The following SLC4A11 variants were observed in gnomAD, a reference collection of about 807,000 sequenced individuals.
SLC4A11 encodes the protein solute carrier family 4 member 11.
SLC4A11 carries 74 observed loss-of-function variants against 95.0 expected under a neutral mutation model. That is an observed-to-expected ratio of 0.78 (90% CI 0.65 to 0.95). The LOEUF (loss-of-function observed/expected upper bound fraction) is 0.95. SLC4A11 is among the 40% of genes least tolerant of loss of function. The probability of loss-of-function intolerance (pLI) is 0.00; values close to 1 mark genes in which losing one functional copy is unlikely to be tolerated. For synonymous variants in SLC4A11, 548 were observed against 519.0 expected, an observed-to-expected ratio of 1.06 and a Z score of -0.76; for missense variants, 1,081 against 1,192.4, an observed-to-expected ratio of 0.91 and a Z score of 1.38.
At chr20:3,230,073 C>G in intron 13 of SLC4A11, 114 bp downstream of exon 13, 2 of 1,315,498 alleles carry the variant, frequency 1.5e-6, no homozygotes, top group South Asian at 2.4e-5. Context: ...CACCCTTGAT[C>G]ACGGGCACAC....
rs2067903943 is a variant in SLC4A11 at position 3,234,555 on chromosome 20, A to G, written c.291+13T>C. 6.2e-7 allele frequency: 1 copy of G among 1,613,676 alleles called. No homozygotes were observed. The highest frequency in any genetic ancestry group is 8.5e-7 in the Non-Finnish European group (1 of 1,180,018). On this transcript the variant is annotated intron_variant, in intron 4 of 19. Coordinates refer to ENST00000642402, the MANE Select transcript of SLC4A11 (RefSeq NM_001174089.2). This position sits in a 1 kb window ranked among gnomAD's most constrained non-coding sequence, Gnocchi z 5.8. The stretch of plus-strand genomic sequence containing the variant: ...TAGAGGCCCCAGGACCACCTGCAGG[A>G]CAGGCCATTCACCTTTCGGGAGGTG...
intron 2 of SLC4A11, among the ~76,000 whole-genome samples, chr20:3,235,291 TCTCTCTCTCTCTCTCTCTCACA>T (rs2067935650): frequency 9.4e-6 from 1 of 106,300 alleles, no homozygotes; most frequent in Non-Finnish European, 2.0e-5. Context: ...TCTCTCTCTC[TCTCTCTCTCTCTCTCTCTCACA>T]CACACACACA....
chr20:3,237,023 AAAC>A lies in SLC4A11; in HGVS notation c.88+518_88+520del, dbSNP rs376761373. On this transcript the variant is annotated intron_variant, in intron 2 of 19. Transcript: ENST00000642402. ...GCCCTGTGTCTACGCACTGCTCTAC[AAAC>A]AACCCTCGAATGGTCAGGTCACTCA... Among the ~76,000 whole-genome samples the A allele has an allele frequency of 8.2e-4, 125 of 152,192 alleles. 3 individuals are homozygous for A. The East Asian group carries it at 0.022, about 27-fold the overall frequency.
intron 7 of SLC4A11, 119 bp downstream of exon 7, chr20:3,233,395 C>T (rs1336473686): frequency 1.4e-5 from 20 of 1,476,188 alleles, no homozygotes; most frequent in African/African-American, 4.1e-5. Context: ...AGGGCCGAGG[C>T]GAAGGGGAGG....
In SLC4A11 at chr20:3,231,651, CTGTT is replaced by C. The variant is rs1259066926; in HGVS notation, c.730-107_730-104del. The C allele has an allele frequency of 4.2e-5, 47 of 1,126,154 alleles. No homozygotes were observed. The highest frequency in any genetic ancestry group is 2.3e-4 in the Middle Eastern group (1 of 4,354). 69.8% of individuals were successfully genotyped at this position (1,126,154 alleles called of 1,614,324 possible). A position where few individuals can be genotyped will look rare whatever the true frequency, so the allele number is the denominator to read the frequency against. On this transcript the variant is annotated intron_variant, in intron 7 of 19. Coordinates refer to ENST00000642402, the MANE Select transcript of SLC4A11 (RefSeq NM_001174089.2). The surrounding 1 kb of genome is among the most constrained non-coding windows in gnomAD (Gnocchi z 5.2). ...CATGAACTGGCAGCAGGTTTTTTGTCTGTTTGTTTTTTGTGTTTTTTTGAGACAG... is the reference window on the plus strand; with the variant it reads ...CATGAACTGGCAGCAGGTTTTTTGTCTGTTTTTTGTGTTTTTTTGAGACAG...
At chr20:3,238,729 G>A (rs965133484) in intron 1 of SLC4A11, 2 of 1,061,012 alleles carry the variant, frequency 1.9e-6, no homozygotes, top group Non-Finnish European at 2.3e-6. Context: ...ACCTTCCGAG[G>A]CGGCGGCCCG....
At chr20:3,238,246 G>A (rs2068051766) in intron 1 of SLC4A11, 1 of 1,345,802 alleles carries the variant, frequency 7.4e-7, no homozygotes, top group Non-Finnish European at 9.5e-7. Context: ...GGGAGGCTGC[G>A]CCCTCCCTGG....
chr20:3,237,419 C>T (rs966739851), intron 2 of SLC4A11, 125 bp downstream of exon 2: 1 of 1,000,538 alleles, frequency 1.0e-6, no homozygotes, highest in Non-Finnish European at 1.6e-6. Flanking sequence ...CAAAAGCATT[C>T]CAGCACTAGA....
In SLC4A11 at chr20:3,228,584, G is replaced by A. The variant is rs1600558914; in HGVS notation, c.2316C>T (p.Phe772=). ...CGAGGGAGGTGAGCGCGATGTAGAG[G>A]AAGAGGCCATAGAGCACGGGCTTGG... is the stretch of plus-strand genomic sequence containing the variant. ...WIPKPVLYGL[F]LYIALTSLDG... Residue 772 remains phenylalanine (F), a synonymous_variant, in exon 18 of 20, where the codon TTC becomes TTT. Coordinates refer to ENST00000642402, the MANE Select transcript of SLC4A11 (RefSeq NM_001174089.2). 1 of 1,613,320 alleles carries A rather than the reference G, an allele frequency of 6.2e-7. No homozygotes were observed. The highest frequency in any genetic ancestry group is 8.5e-7 in the Non-Finnish European group (1 of 1,179,982).
At chr20:3,238,463 G>A in intron 1 of SLC4A11, 7 of 1,023,044 alleles carry the variant, frequency 6.8e-6, no homozygotes, top group Non-Finnish European at 8.2e-6. Context: ...CCAGGCCGTG[G>A]GCGACGAGGG....
intron 13 of SLC4A11, 39 bp from the exon 14 acceptor site, chr20:3,229,815 G>C (rs144410437): frequency 1.9e-6 from 3 of 1,613,280 alleles, no homozygotes; most frequent in East Asian, 2.2e-5. Context: ...CCTCTCCAGC[G>C]TGTGGCAGGG....
intron 10 of SLC4A11, 33 bp downstream of exon 10, chr20:3,230,900 A>ACCCCCACCCCCCCCCCCCCCCCCCCC: frequency 6.2e-7 from 1 of 1,610,762 alleles, no homozygotes; most frequent in Non-Finnish European, 8.5e-7. Flanking sequence ...AGCCCAGCAT[A>ACCCCCACCCCCCCCCCCCCCCCCCCC]CCCCCACCCA....
chr20:3,228,002 C>T, intron 19 of SLC4A11, 146 bp from the exon 20 acceptor site: 2 of 799,742 alleles, frequency 2.5e-6, no homozygotes, highest in Non-Finnish European at 4.0e-6. Context: ...CTCTCCACTC[C>T]TAGACTGGAG....
intron 2 of SLC4A11, among the ~76,000 whole-genome samples, chr20:3,236,428 T>C (rs1486756878): frequency 6.6e-6 from 1 of 152,078 alleles, no homozygotes; most frequent in East Asian, 1.9e-4. Flanking sequence ...CTACTAAAAA[T>C]ACAAAAAGAA....
rs35732230 is a variant in SLC4A11, at chr20:3,237,554, G to A, written c.78C>T (p.Phe26=). 98 of 1,614,014 alleles carry A rather than the reference G, an allele frequency of 6.1e-5. No individual in the cohort carries two copies. The African/African-American group carries it at 1.0e-3, about 17-fold the overall frequency. ...CCGAGAGGTACTCACTTGAATCCTC[G>A]AAGTATCCATTCTGCGACATGGTGG... ...NSPTMSQNGY[F]EDSSYYKCDT... is the part of the protein sequence containing the mutation. Residue 26 remains phenylalanine, a synonymous_variant, in exon 2 of 20, where the codon TTC becomes TTT. Coordinates refer to ENST00000642402, the MANE Select transcript of SLC4A11 (RefSeq NM_001174089.2).
In SLC4A11 at chr20:3,229,573, T is replaced by C. The variant is rs745890585; in HGVS notation, c.1693A>G (p.Met565Val). 7.4e-6 allele frequency: 12 copies of C among 1,612,762 alleles called. No individual in the cohort carries two copies. The highest frequency in any genetic ancestry group is 1.0e-5 in the Non-Finnish European group (12 of 1,179,910). ...TAGCCCAGCCAGAGCGTGCCCAGCA[T>C]GATGAGGAGGCTGAGCACGGCGGTC... ...QATAVLSLLI[M>V]LGTLWLGYTL... is the part of the protein sequence containing the mutation. The change falls in exon 14 of 20, where the codon ATG becomes GTG. Residue 565 changes from methionine (M) to valine (V), a missense_variant. This residue lies in a region of SLC4A11 where 767 missense variants were observed against 858.0 expected (regional missense o/e 0.89). Transcript: ENST00000642402.
intron 1 of SLC4A11, 66 bp from the exon 2 acceptor site, chr20:3,237,654 T>A: frequency 6.2e-7 from 1 of 1,613,748 alleles, no homozygotes; most frequent in Non-Finnish European, 8.5e-7. Context: ...TGTGCACCTG[T>A]CTCCCCGCCC....
At chr20:3,233,397 A>C in intron 7 of SLC4A11, 117 bp downstream of exon 7, 1 of 1,487,952 alleles carries the variant, frequency 6.7e-7, no homozygotes, top group Non-Finnish European at 9.2e-7. Flanking sequence ...GGCCGAGGCG[A>C]AGGGGAGGGT....
At chr20:3,228,224 T>A (rs771211915) in intron 19 of SLC4A11, 35 bp downstream of exon 19, 2 of 1,421,160 alleles carry the variant, frequency 1.4e-6, no homozygotes, top group Middle Eastern at 3.9e-4. Context: ...ACACCTAGAC[T>A]GGGCCCCTCC....
Sources: allele counts gnomAD v4.1 joint callset (sites outside exome capture counted in the v4.1 genomes callset), GRCh38; gene constraint gnomAD v4.1.1; regional missense constraint gnomAD v4.1.1; non-coding constraint Gnocchi (gnomAD v3.1); transcripts MANE v1.5; gene names NCBI Gene and HGNC (gene_info 2026-07-23, HGNC 2026-07-21).